OR10A6: variants seen among roughly 807,000 people sequenced by gnomAD.
The protein encoded by OR10A6 is olfactory receptor family 10 subfamily A member 6 (gene/pseudogene), also known as olfactory receptor 10A6.
A neutral mutation model predicts 1.5 loss-of-function variants in OR10A6; 2 were observed. The ratio of observed to expected loss-of-function variants is 1.31; its 90% CI spans 0.54 to 4.13. OR10A6 has a LOEUF of 4.13. Among genes scored for constraint, OR10A6 ranks in the 30% most tolerant of loss-of-function variants. OR10A6 has a pLI of 0.07. For missense variants in OR10A6, 492 were observed against 368.6 expected (o/e 1.33, Z -2.74); for synonymous variants, 169 against 137.3 (o/e 1.23, Z -1.61).
rs1859488068 is a variant in OR10A6 at position 7,929,706 on chromosome 11, C to T, written c.-1044G>A. On this transcript the variant is annotated 5_prime_UTR_variant, in exon 4 of 4. Transcript: ENST00000641238. ...CCCAGGACTTTCTCTTTCTTTCTCT[C>T]TCTCTTTCTATGTGTACATATATAT... The T allele has an allele frequency of 1.8e-5, 2 of 108,366 alleles. No homozygotes were observed. Among genetic ancestry groups the T allele is most frequent in the African/African-American group, 6.5e-5 (2 of 30,780 alleles). 6.7% of individuals were successfully genotyped at this position (108,366 alleles called of 1,614,324 possible).
chr11:7,928,582 G>A lies in OR10A6; in HGVS notation c.81C>T (p.Leu27=). The A allele has an allele frequency of 1.2e-6, 2 of 1,613,888 alleles. No individual in the cohort carries two copies. The highest frequency in any genetic ancestry group is 1.7e-6 in the Non-Finnish European group (2 of 1,179,886). ...FSNYPELQGQ[L]FVAFLVIYLV... ...GATAAATAACCAGGAAAGCCACAAA[G>A]AGCTGCCCCTGGAGCTCAGGATAGT... The change falls in exon 4 of 4, where the codon CTC becomes CTT. Residue 27 remains leucine, a synonymous_variant. Transcript: ENST00000641238.
chr11:7,928,169 C>G lies in OR10A6; in HGVS notation c.494G>C (p.Ser165Thr), dbSNP rs755257874. Residue 165 changes from serine (S) to threonine (T), a missense_variant, in exon 4 of 4, where the codon AGT becomes ACT. Coordinates refer to ENST00000641238, the MANE Select transcript of OR10A6 (RefSeq NM_001004461.2). ...TTCATTAAGGCCACAAAAGGGAAAA[C>G]TAGATACCCATGATGTTTGAACAGT... ...LGTVQTSWVS[S>T]FPFCGLNEIN... The G allele has an allele frequency of 1.2e-6, 2 of 1,613,602 alleles. No homozygotes were observed. The highest frequency in any genetic ancestry group is 1.7e-6 in the Non-Finnish European group (2 of 1,179,794).
rs55811645 is a variant in OR10A6, at chr11:7,929,755, T to TATATATATATATATATATATATAC, written c.-1094_-1093insGTATATATATATATATATATATAT. The TATATATATATATATATATATATAC allele has an allele frequency of 1.9e-3, 181 of 96,868 alleles. 1 individual carries two copies. The highest frequency in any genetic ancestry group is 3.6e-3 in the East Asian group (12 of 3,342). The allele number at this position is 96,868 out of a possible 1,614,324, so 6.0% of individuals were successfully genotyped here. On this transcript the variant is annotated 5_prime_UTR_variant, in exon 4 of 4. Transcript: ENST00000641238. ...ATATATATATATATATATATATATA[T>TATATATATATATATATATATATAC]ACACACACATGCACACATATATATA...
chr11:7,927,599 A>G lies in OR10A6; in HGVS notation c.*119T>C. The G allele has an allele frequency of 3.1e-6, 2 of 637,132 alleles. No individual in the cohort carries two copies. Among genetic ancestry groups the G allele is most frequent in the Non-Finnish European group, 5.4e-6 (2 of 371,504 alleles). The allele number at this position is 637,132 out of a possible 1,614,324, so 39.5% of individuals were successfully genotyped here. A position where few individuals can be genotyped will look rare whatever the true frequency, so the allele number is the denominator to read the frequency against. ...TCCTGATATACAATCAAACTTGGAG[A>G]ACACAATAAATTAGTCATACTCATG... On this transcript the variant is annotated 3_prime_UTR_variant, in exon 4 of 4. Coordinates refer to ENST00000641238, the MANE Select transcript of OR10A6 (RefSeq NM_001004461.2).
At position 7,929,087 on chromosome 11, in the gene OR10A6, T is replaced by C. The variant is rs558808397; in HGVS notation, c.-425A>G. On this transcript the variant is annotated 5_prime_UTR_variant, in exon 4 of 4. The change creates a new upstream start codon in the 5' untranslated region. Coordinates refer to ENST00000641238, the MANE Select transcript of OR10A6 (RefSeq NM_001004461.2). ...AAAAAAGCAGATAGATTGAAAAAGA[T>C]ATCTCAACAAATGTGATAATAGCCT... 1.3e-5 allele frequency: 2 copies of C among 156,700 alleles called. No individual in the cohort carries two copies. Among genetic ancestry groups the C allele is most frequent in the South Asian group, 4.1e-4 (2 of 4,872 alleles). The allele number at this position is 156,700 out of a possible 1,614,324, so 9.7% of individuals were successfully genotyped here.
At position 7,929,966 on chromosome 11, in the gene OR10A6, G is replaced by GTATATATATGTGTATGTATATATA. The variant is rs58402229; in HGVS notation, c.-1305_-1304insTATATATACATACACATATATATA. ...TCTAGTAAGGTATGTGTATGTGTAT[G>GTATATATATGTGTATGTATATATA]TATATATATATATATATATATATAT... On this transcript the variant is annotated 5_prime_UTR_variant, in exon 4 of 4. Coordinates refer to ENST00000641238, the MANE Select transcript of OR10A6 (RefSeq NM_001004461.2). 1 of 57,260 alleles carries GTATATATATGTGTATGTATATATA rather than the reference G, an allele frequency of 1.7e-5. No individual in the cohort carries two copies. Among genetic ancestry groups the GTATATATATGTGTATGTATATATA allele is most frequent in the African/African-American group, 7.0e-5 (1 of 14,226 alleles). The allele number at this position is 57,260 out of a possible 1,614,324, so 3.5% of individuals were successfully genotyped here. A position where few individuals can be genotyped will look rare whatever the true frequency, so the allele number is the denominator to read the frequency against.
rs1859455623 is a variant in OR10A6 at position 7,928,252 on chromosome 11, A to G, written c.411T>C (p.Asn137=). ...CHPLNYQMIM[N]KGVFMKLIIF... is the part of the protein sequence containing the mutation. ...TAATTAATTTCATAAAAACTCCTTT[A>G]TTCATAATCATTTGGTAGTTGAGAG... The change falls in exon 4 of 4, where the codon AAT becomes AAC. Residue 137 remains asparagine (N), a synonymous_variant. Transcript: ENST00000641238. 5 of 1,613,240 alleles carry G rather than the reference A, an allele frequency of 3.1e-6. No homozygotes were observed.
In OR10A6 at chr11:7,928,414, C is replaced by T; in HGVS notation, c.249G>A (p.Val83=). 2.5e-6 allele frequency: 4 copies of T among 1,613,824 alleles called. No homozygotes were observed. The highest frequency in any genetic ancestry group is 2.7e-5 in the African/African-American group (2 of 75,002). ...TTGTAGTTTTTTCAGTAGAGAGGAC[C>T]ACCAGCATTTCAGGCATAATAACTG... ...FSAVIMPEML[V]VLSTEKTTIS... Residue 83 remains valine (V), a synonymous_variant, in exon 4 of 4, where the codon GTG becomes GTA. Coordinates refer to ENST00000641238, the MANE Select transcript of OR10A6 (RefSeq NM_001004461.2).
Position 7,926,426 on chromosome 11 carries a change from A to G in OR10A6, c.*1292T>C, listed in dbSNP as rs867847085. The G allele has an allele frequency of 6.6e-6, 1 of 152,312 alleles. No individual in the cohort carries two copies. 9.4% of individuals were successfully genotyped at this position (152,312 alleles called of 1,614,324 possible). On this transcript the variant is annotated 3_prime_UTR_variant, in exon 4 of 4. Transcript: ENST00000641238. Reference sequence around the variant, plus strand: ...GGGTCCCCAGCTTCCAAAGTGACTGAGAAGAAAAGTCCTGCATCATTACCC... The same window carrying G: ...GGGTCCCCAGCTTCCAAAGTGACTGGGAAGAAAAGTCCTGCATCATTACCC...
At position 7,928,804 on chromosome 11, in the gene OR10A6, C is replaced by A. The variant is rs1040519910; in HGVS notation, c.-142G>T. On this transcript the variant is annotated 5_prime_UTR_variant, in exon 4 of 4. Coordinates refer to ENST00000641238, the MANE Select transcript of OR10A6 (RefSeq NM_001004461.2). The stretch of plus-strand genomic sequence containing the variant: ...AGGAGCCTATCCTGACAGAAATTTT[C>A]TTTGGCAATTTTAGACAATGACCAA... The A allele has an allele frequency of 2.4e-5, 11 of 465,500 alleles. No homozygotes were observed. Among genetic ancestry groups the A allele is most frequent in the Non-Finnish European group, 4.0e-5 (11 of 277,036 alleles). The allele number at this position is 465,500 out of a possible 1,614,324, so 28.8% of individuals were successfully genotyped here. A position where few individuals can be genotyped will look rare whatever the true frequency, so the allele number is the denominator to read the frequency against.
Position 7,928,456 on chromosome 11 carries a change from C to T in OR10A6, c.207G>A (p.Val69=). The change falls in exon 4 of 4, where the codon GTG becomes GTA. Residue 69 remains valine, a synonymous_variant. Coordinates refer to ENST00000641238, the MANE Select transcript of OR10A6 (RefSeq NM_001004461.2). ...TAATAACTGCACTGAAACTCAGGTCCACCACAGATAAGTTCAGGAGAAACA... is the reference window on the plus strand; with the variant it reads ...TAATAACTGCACTGAAACTCAGGTCTACCACAGATAAGTTCAGGAGAAACA... ...MYLFLLNLSV[V]DLSFSAVIMP... is the part of the protein sequence containing the mutation. 5.0e-6 allele frequency: 8 copies of T among 1,613,752 alleles called. No homozygotes were observed. Among genetic ancestry groups the T allele is most frequent in the East Asian group, 2.2e-5 (1 of 44,876 alleles).
rs1859364451 is a variant in OR10A6, at chr11:7,924,801, A to G, written c.*2917T>C. 1.3e-5 allele frequency: 2 copies of G among 152,132 alleles called. No individual in the cohort carries two copies. Among genetic ancestry groups the G allele is most frequent in the African/African-American group, 4.8e-5 (2 of 41,420 alleles). 9.4% of individuals were successfully genotyped at this position (152,132 alleles called of 1,614,324 possible). A position where few individuals can be genotyped will look rare whatever the true frequency, so the allele number is the denominator to read the frequency against. The stretch of plus-strand genomic sequence containing the variant: ...CTTTTCTAGTCATGCTTTAACTCTC[A>G]TTGCAAGATAGCTGCACTATCTCTA... On this transcript the variant is annotated 3_prime_UTR_variant, in exon 4 of 4. Transcript: ENST00000641238.
chr11:7,926,944 G>A lies in OR10A6; in HGVS notation c.*774C>T, dbSNP rs1315096991. The A allele has an allele frequency of 6.6e-6, 1 of 152,044 alleles. No homozygotes were observed. The highest frequency in any genetic ancestry group is 2.4e-5 in the African/African-American group (1 of 41,398). The allele number at this position is 152,044 out of a possible 1,614,324, so 9.4% of individuals were successfully genotyped here. ...TTTGGCCTGTATGAGGTGCATTTTT[G>A]CCTTATGAAAGAAATTTGACCAAGT... On this transcript the variant is annotated 3_prime_UTR_variant, in exon 4 of 4. Coordinates refer to ENST00000641238, the MANE Select transcript of OR10A6 (RefSeq NM_001004461.2).
At chr11:7,930,832 T>C (rs1176919778) in intron 3 of OR10A6, 29 bp downstream of exon 3, 1 of 152,204 alleles carries the variant, frequency 6.6e-6, no homozygotes, top group Non-Finnish European at 1.5e-5. Flanking sequence ...CATGGTGTCT[T>C]GGATAGATCA....
At position 7,928,182 on chromosome 11, in the gene OR10A6, A is replaced by T. The variant is rs142398865; in HGVS notation, c.481T>A (p.Ser161Thr). Residue 161 changes from serine (S) to threonine (T), a missense_variant, in exon 4 of 4, where the codon TCA (serine) becomes ACA (threonine). Transcript: ENST00000641238. ...CAAAAGGGAAAACTAGATACCCATG[A>T]TGTTTGAACAGTACCTAACATAAAA... ...LGFMLGTVQTSWVSSFPFCGL... is the reference protein window; with the variant it reads ...LGFMLGTVQTTWVSSFPFCGL... The T allele has an allele frequency of 6.2e-7, 1 of 1,613,032 alleles. No homozygotes were observed. Among genetic ancestry groups the T allele is most frequent in the Admixed American group, 1.7e-5 (1 of 59,882 alleles).
Position 7,928,194 on chromosome 11 carries a change from T to C in OR10A6, c.469A>G (p.Thr157Ala), listed in dbSNP as rs1384618114. The C allele has an allele frequency of 6.2e-7, 1 of 1,611,726 alleles. No individual in the cohort carries two copies. The highest frequency in any genetic ancestry group is 8.5e-7 in the Non-Finnish European group (1 of 1,178,160). ...CTAGATACCCATGATGTTTGAACAG[T>C]ACCTAACATAAAACCTAAGGCCCAT... Reference protein sequence around the residue: ...FSWALGFMLGTVQTSWVSSFP... With the variant: ...FSWALGFMLGAVQTSWVSSFP... The change falls in exon 4 of 4, where the codon ACT (threonine) becomes GCT (alanine). Residue 157 changes from threonine to alanine, a missense_variant. By Grantham distance (58) the Thr-to-Ala change is moderately conservative. Coordinates refer to ENST00000641238, the MANE Select transcript of OR10A6 (RefSeq NM_001004461.2).
chr11:7,930,788 C>T (rs1002258314), intron 3 of OR10A6, 73 bp downstream of exon 3: 7 of 152,076 alleles, frequency 4.6e-5, no homozygotes, highest in South Asian at 2.1e-4. Context: ...GAATGTTATA[C>T]AAAATAGAAA....
chr11:7,927,813 G>A lies in OR10A6; in HGVS notation c.850C>T (p.Leu284=). The A allele has an allele frequency of 1.2e-6, 2 of 1,613,934 alleles. No individual in the cohort carries two copies. Among genetic ancestry groups the A allele is most frequent in the South Asian group, 1.1e-5 (1 of 91,074 alleles). Residue 284 remains leucine, a synonymous_variant, in exon 4 of 4, where the codon CTG becomes TTG. Coordinates refer to ENST00000641238, the MANE Select transcript of OR10A6 (RefSeq NM_001004461.2). ...AAACTGTAGATAAGCAGATTCAGCA[G>A]TGGTGTCAGAAGTGAGTAAGACAAT... ...MSLSYSLLTP[L]LNLLIYSLRN...
At position 7,927,893 on chromosome 11, in the gene OR10A6, A is replaced by G. The variant is rs1859442918; in HGVS notation, c.770T>C (p.Met257Thr). Reference protein sequence around the residue: ...SVTLFYGTASMTYLQPKSGYS... With the variant: ...SVTLFYGTASTTYLQPKSGYS... The stretch of plus-strand genomic sequence containing the variant: ...GCCAGATTTGGGTTGTAAATAAGTC[A>G]TACTGGCTGTGCCATAGAATAGGGT... The change falls in exon 4 of 4, where the codon ATG (methionine) becomes ACG (threonine). Residue 257 changes from methionine (M) to threonine (T), a missense_variant. Coordinates refer to ENST00000641238, the MANE Select transcript of OR10A6 (RefSeq NM_001004461.2). 1.2e-6 allele frequency: 2 copies of G among 1,614,028 alleles called. No individual in the cohort carries two copies. Among genetic ancestry groups the G allele is most frequent in the South Asian group, 1.1e-5 (1 of 91,082 alleles).
Sources: allele counts gnomAD v4.1 joint callset, GRCh38; gene constraint gnomAD v4.1.1; transcripts MANE v1.5; gene names NCBI Gene and HGNC (gene_info 2026-07-23, HGNC 2026-07-21).